ANKHD1: variants seen among roughly 807,000 people sequenced by gnomAD.
ANKHD1 encodes ankyrin repeat and KH domain containing 1.
A neutral mutation model predicts 230.5 loss-of-function variants in ANKHD1; 31 were observed. The ratio of observed to expected loss-of-function variants is 0.13; its 90% CI spans 0.10 to 0.18. ANKHD1 has a LOEUF of 0.18. Among genes scored for constraint, ANKHD1 ranks in the 10% least tolerant of loss-of-function variants. ANKHD1 has a pLI of 1.00. For synonymous variants in ANKHD1, 1,074 were observed against 1,117.6 expected (o/e 0.96, Z 0.78); for missense variants, 2,256 against 3,071.3 (o/e 0.73, Z 6.27).
chr5:140,427,640 C>CG (rs1469862817), intron 1 of ANKHD1, among the ~76,000 whole-genome samples: 1 of 143,180 alleles, frequency 7.0e-6, no homozygotes, highest in African/African-American at 2.6e-5. Context: ...GCTGGCCGGG[C>CG]GGGGGGCTGA....
intron 29 of ANKHD1, among the ~76,000 whole-genome samples, chr5:140,534,729 C>T (rs994478122): frequency 2.0e-5 from 3 of 152,084 alleles, no homozygotes; most frequent in Non-Finnish European, 2.9e-5. Flanking sequence ...GACCTTCATC[C>T]TCTTTTCCTA....
chr5:140,409,548 AATT>A (rs2126843686), intron 1 of ANKHD1, among the ~76,000 whole-genome samples: 1 of 102,228 alleles, frequency 9.8e-6, no homozygotes, highest in South Asian at 4.0e-4. Flanking sequence ...TTACTGTAAC[AATT>A]TTTTTTTTTT....
chr5:140,451,178 CAAAAA>C (rs1194953016), intron 7 of ANKHD1, among the ~76,000 whole-genome samples: 5 of 151,548 alleles, frequency 3.3e-5, no homozygotes, highest in African/African-American at 1.2e-4. Flanking sequence ...CAAAACAAAA[CAAAAA>C]ACTTCAAAAA....
chr5:140,533,078 T>C (rs1246485880), intron 29 of ANKHD1, among the ~76,000 whole-genome samples: 3 of 149,402 alleles, frequency 2.0e-5, no homozygotes, highest in Non-Finnish European at 3.0e-5. Flanking sequence ...GCCTGGGTAA[T>C]AGAGCAAGAC....
intron 25 of ANKHD1, 27 bp downstream of exon 25, chr5:140,524,267 G>T (rs1753497735): frequency 2.0e-6 from 3 of 1,537,842 alleles, no homozygotes; most frequent in South Asian, 2.6e-5. Context: ...CTGAATTAAC[G>T]ATAAAATTCT....
In ANKHD1 at chr5:140,431,392, TG is replaced by T. The variant is rs1433645031; in HGVS notation, c.307-4711del. On this transcript the variant is annotated intron_variant, in intron 1 of 33. Transcript: ENST00000360839. ...AATGCATCATGTTAGATTCTCAGTA[TG>T]ATTCTTCCACTTTGAAAAGGTGGAG... is the stretch of plus-strand genomic sequence containing the variant. Among the ~76,000 whole-genome samples, 70 of 152,354 alleles carry T rather than the reference TG, an allele frequency of 4.6e-4. 1 individual carries two copies. The highest frequency in any genetic ancestry group is 6.8e-3 in the Middle Eastern group (2 of 294).
chr5:140,419,674 G>C (rs1771714226), intron 1 of ANKHD1, among the ~76,000 whole-genome samples: 1 of 150,446 alleles, frequency 6.6e-6, no homozygotes, highest in African/African-American at 2.4e-5. Context: ...TGCCCAGACT[G>C]GTCTTGAGGT....
intron 1 of ANKHD1, among the ~76,000 whole-genome samples, chr5:140,428,733 C>G (rs1001933038): frequency 1.3e-5 from 2 of 152,096 alleles, no homozygotes; most frequent in Non-Finnish European, 2.9e-5. Context: ...GTGGTGATGA[C>G]TCTTTGTTTT....
intron 1 of ANKHD1, among the ~76,000 whole-genome samples, chr5:140,419,482 G>C (rs1402501638): frequency 7.7e-6 from 1 of 129,256 alleles, no homozygotes; most frequent in Non-Finnish European, 1.6e-5. Flanking sequence ...TTGTTTTTGA[G>C]ATGGTCTCAC....
At chr5:140,524,370 C>A in intron 25 of ANKHD1, 130 bp downstream of exon 25, 13 of 1,361,320 alleles carry the variant, frequency 9.5e-6, no homozygotes, top group Non-Finnish European at 1.2e-5. Context: ...TGGACAATGA[C>A]TTTTATAGTA....
At chr5:140,404,676 C>T (rs926608807) in intron 1 of ANKHD1, among the ~76,000 whole-genome samples, 8 of 151,652 alleles carry the variant, frequency 5.3e-5, no homozygotes, top group African/African-American at 1.2e-4. Flanking sequence ...CTCAGGTGAT[C>T]GCCCTCTCAG....
chr5:140,455,853 A>T (rs1011832152), intron 7 of ANKHD1, among the ~76,000 whole-genome samples: 1 of 152,210 alleles, frequency 6.6e-6, no homozygotes, highest in Non-Finnish European at 1.5e-5. Flanking sequence ...TAGTGTTGGA[A>T]GTTCTGGCCA....
intron 24 of ANKHD1, among the ~76,000 whole-genome samples, chr5:140,519,974 T>C (rs1753243415): frequency 1.3e-5 from 2 of 151,824 alleles, no homozygotes; most frequent in South Asian, 2.1e-4. Flanking sequence ...AAGAAACTAC[T>C]ATCAGAGTGA....
chr5:140,454,063 C>G (rs1774963649), intron 7 of ANKHD1, among the ~76,000 whole-genome samples: 1 of 152,142 alleles, frequency 6.6e-6, no homozygotes, highest in Admixed American at 6.5e-5. Context: ...GGGTTGCAAT[C>G]CTAGTCTCTG....
intron 1 of ANKHD1, among the ~76,000 whole-genome samples, chr5:140,403,679 T>A (rs1291373589): frequency 6.6e-6 from 1 of 152,196 alleles, no homozygotes; most frequent in African/African-American, 2.4e-5. Context: ...TGTGTATACT[T>A]TTTTCTGTTG....
At chr5:140,491,158 A>ATT (rs1470465560) in intron 14 of ANKHD1, among the ~76,000 whole-genome samples, 2,781 of 82,990 alleles carry the variant, frequency 0.034, 99 homozygotes, top group Non-Finnish European at 0.039. Context: ...ATATATATAT[A>ATT]TATTTTTTTT....
intron 32 of ANKHD1, 94 bp downstream of exon 32, chr5:140,538,355 T>G (rs1754167488): frequency 6.5e-7 from 1 of 1,532,044 alleles, no homozygotes; most frequent in African/African-American, 1.4e-5. Context: ...ATGCTCCCTT[T>G]TGTTTCTGTG....
intron 1 of ANKHD1, among the ~76,000 whole-genome samples, chr5:140,421,856 A>C (rs986766064): frequency 6.6e-6 from 1 of 152,156 alleles, no homozygotes; most frequent in Admixed American, 6.5e-5. Context: ...AGAGACCATT[A>C]TTTGAGGCTA....
chr5:140,421,323 A>G (rs1475167649), intron 1 of ANKHD1, among the ~76,000 whole-genome samples: 1 of 128,814 alleles, frequency 7.8e-6, no homozygotes, highest in Non-Finnish European at 1.6e-5. Flanking sequence ...TTTTTTTGAG[A>G]CAGTTTCGCT....
Sources: allele counts gnomAD v4.1 joint callset (sites outside exome capture counted in the v4.1 genomes callset), GRCh38; gene constraint gnomAD v4.1.1; transcripts MANE v1.5; gene names NCBI Gene and HGNC (gene_info 2026-07-23, HGNC 2026-07-21).